AIMP2: variants seen among roughly 807,000 people sequenced by gnomAD.
AIMP2 encodes the protein aminoacyl tRNA synthase complex-interacting multifunctional protein 2.
In AIMP2, 20 loss-of-function variants were observed where a neutral mutation model predicts 23.4. The observed-to-expected ratio is 0.85, with a 90% CI of 0.60 to 1.24. The LOEUF (loss-of-function observed/expected upper bound fraction) is 1.24, where lower values mean the gene tolerates loss of function less well. AIMP2 is among the 50% of genes most tolerant of loss of function. The pLI, the probability that AIMP2 is intolerant of heterozygous loss-of-function variation, is 0.00. For missense variants in AIMP2, 515 were observed against 414.5 expected (o/e 1.24, Z -2.10); for synonymous variants, 210 against 170.4 (o/e 1.23, Z -1.81).
At position 6,017,819 on chromosome 7, in the gene AIMP2, C is replaced by T. The variant is rs747924744; in HGVS notation, c.348C>T (p.Tyr116=). The T allele has an allele frequency of 5.0e-6, 8 of 1,612,878 alleles. No homozygotes were observed. The African/African-American group carries it at 5.3e-5, about 11-fold the overall frequency. Residue 116 remains tyrosine (Y), a synonymous_variant, in exon 3 of 4, where the codon TAC becomes TAT. Coordinates refer to ENST00000223029, the MANE Select transcript of AIMP2 (RefSeq NM_006303.4). ...TTGTCTTGGTCTTTCCCCAGGATTA[C>T]GGGGCGCTGAAAGACATCGTGATCA... ...LDLNSVLGKD[Y]GALKDIVINA...
At chr7:6,012,195 T>C (rs183887945) in intron 1 of AIMP2, among the ~76,000 whole-genome samples, 89 of 151,778 alleles carry the variant, frequency 5.9e-4, no homozygotes, top group African/African-American at 2.0e-3. Context: ...CAGGGCTGCA[T>C]TGAGCTGTGA....
At chr7:6,013,987 G>C (rs1459554606) in intron 1 of AIMP2, among the ~76,000 whole-genome samples, 1 of 151,902 alleles carries the variant, frequency 6.6e-6, no homozygotes, top group Non-Finnish European at 1.5e-5. Flanking sequence ...ATGATTTGTG[G>C]AATTGATTAC....
intron 1 of AIMP2, among the ~76,000 whole-genome samples, chr7:6,011,543 G>A (rs1786690908): frequency 1.3e-5 from 2 of 152,126 alleles, no homozygotes; most frequent in African/African-American, 4.8e-5. Context: ...TGGGTGAATC[G>A]GTAACTTTTC....
At position 6,023,688 on chromosome 7, in the gene AIMP2, G is replaced by C. The variant is rs79993082; in HGVS notation, c.960G>C (p.Lys320Asn). ...APFNTALKLL[K>N] ...TTAACACGGCCCTCAAGCTCCTTAA[G>C]TGAATTGCCGTAACTGATTTTAAAG... Residue 320 changes from lysine to asparagine, a missense_variant, in exon 4 of 4, where the codon AAG becomes AAC. Transcript: ENST00000223029. 18 of 1,614,080 alleles carry C rather than the reference G, an allele frequency of 1.1e-5. No homozygotes were observed. The highest frequency in any genetic ancestry group is 9.3e-5 in the African/African-American group (7 of 75,022).
At chr7:6,013,565 GTTTCT>G (rs576208279) in intron 1 of AIMP2, among the ~76,000 whole-genome samples, 121 of 152,186 alleles carry the variant, frequency 8.0e-4, no homozygotes, top group African/African-American at 2.8e-3. Context: ...CCAGCCTTGA[GTTTCT>G]TTTTAAGTCT....
chr7:6,011,910 T>C (rs2128876263), intron 1 of AIMP2, among the ~76,000 whole-genome samples: 1 of 152,318 alleles, frequency 6.6e-6, no homozygotes, highest in South Asian at 2.1e-4. Flanking sequence ...ATCTCACTCT[T>C]CTAGCAGTTT....
At chr7:6,016,233 G>C (rs141882749) in intron 2 of AIMP2, among the ~76,000 whole-genome samples, 1 of 152,308 alleles carries the variant, frequency 6.6e-6, no homozygotes, top group African/African-American at 2.4e-5. Flanking sequence ...ACAGGCTTCA[G>C]CTAATTTAGG....
At chr7:6,021,632 A>G (rs1787425626) in intron 3 of AIMP2, among the ~76,000 whole-genome samples, 1 of 152,296 alleles carries the variant, frequency 6.6e-6, no homozygotes, top group African/African-American at 2.4e-5. Context: ...AGAAGAATTA[A>G]CATAAGACAG....
intron 1 of AIMP2, among the ~76,000 whole-genome samples, chr7:6,014,047 G>A (rs1786865718): frequency 6.6e-6 from 1 of 151,766 alleles, no homozygotes; most frequent in Non-Finnish European, 1.5e-5. Context: ...TTCAACCTGT[G>A]TTCCCTTTTC....
chr7:6,021,101 C>G (rs201707588), intron 3 of AIMP2, among the ~76,000 whole-genome samples: 1 of 152,114 alleles, frequency 6.6e-6, no homozygotes, highest in African/African-American at 2.4e-5. Flanking sequence ...CAGAGCCCCA[C>G]GAGTTAACAC....
At chr7:6,014,340 C>T (rs142588713) in intron 1 of AIMP2, among the ~76,000 whole-genome samples, 3,720 of 150,724 alleles carry the variant, frequency 0.025, 87 homozygotes, top group Middle Eastern at 0.13. Flanking sequence ...TCACTGCAAC[C>T]CCCGCCTCCC....
At position 6,015,278 on chromosome 7, in the gene AIMP2, A is replaced by G. The variant is rs1208684354; in HGVS notation, c.268A>G (p.Thr90Ala). ...AACACCAGATGCAGACTTGGATGTA[A>G]CCAACATAATCCAAGCGGATGAGCC... is the stretch of plus-strand genomic sequence containing the variant. ...IQTPDADLDV[T>A]NIIQADEPTT... The change falls in exon 2 of 4, where the codon ACC becomes GCC. Residue 90 changes from threonine (T) to alanine (A), a missense_variant. Thr to Ala is a moderately conservative substitution (Grantham distance 58). Transcript: ENST00000223029. 6.2e-7 allele frequency: 1 copy of G among 1,614,186 alleles called. No homozygotes were observed. Among genetic ancestry groups the G allele is most frequent in the Admixed American group, 1.7e-5 (1 of 60,020 alleles).
chr7:6,017,689 T>C, intron 2 of AIMP2, 125 bp from the exon 3 acceptor site: 1 of 769,858 alleles, frequency 1.3e-6, no homozygotes, highest in Non-Finnish European at 2.1e-6. Context: ...GAGATGACGC[T>C]AGTGCCGTCT....
At chr7:6,015,093 C>CA in intron 1 of AIMP2, 53 bp from the exon 2 acceptor site, 1 of 1,606,926 alleles carries the variant, frequency 6.2e-7, no homozygotes, top group Admixed American at 1.7e-5. Flanking sequence ...CAAATTTAAA[C>CA]AACACTGGTC....
chr7:6,017,666 T>C (rs1787104855), intron 2 of AIMP2, 148 bp from the exon 3 acceptor site: 1 of 669,668 alleles, frequency 1.5e-6, no homozygotes, highest in Non-Finnish European at 2.5e-6. Context: ...GATAAGTTAC[T>C]GGCTGCAACG....
chr7:6,018,990 C>A (rs189920494), intron 3 of AIMP2, among the ~76,000 whole-genome samples: 2 of 143,730 alleles, frequency 1.4e-5, no homozygotes, highest in Admixed American at 6.8e-5. Context: ...CACACACACA[C>A]AATACATGGC....
intron 1 of AIMP2, chr7:6,013,071 C>A: frequency 1.3e-6 from 1 of 763,848 alleles, no homozygotes; most frequent in African/African-American, 1.9e-5. Context: ...GTGGTCAGAG[C>A]CAGGGTGGTG....
chr7:6,009,974 A>AAATAT, intron 1 of AIMP2, among the ~76,000 whole-genome samples: 1 of 26,672 alleles, frequency 3.7e-5, no homozygotes, highest in African/African-American at 1.4e-4. Flanking sequence ...AAAAAAAAAA[A>AAATAT]ATATATATAT....
At chr7:6,009,974 A>AATATATATATATATATATATAT (rs1183984035) in intron 1 of AIMP2, among the ~76,000 whole-genome samples, 23 of 26,622 alleles carry the variant, frequency 8.6e-4, no homozygotes, top group Non-Finnish European at 1.1e-3. Flanking sequence ...AAAAAAAAAA[A>AATATATATATATATATATATAT]ATATATATAT....
Sources: gnomAD v4.1 joint callset for allele counts (sites outside exome capture counted in the v4.1 genomes callset) on GRCh38, gnomAD v4.1.1 for gene constraint, MANE v1.5 for transcripts, NCBI Gene and HGNC (gene_info 2026-07-23, HGNC 2026-07-21) for gene names.